Variants in PPARG observed in about 807,000 individuals in gnomAD.
PPARG encodes the protein peroxisome proliferator activated receptor gamma.
Under a neutral mutation model 39.2 loss-of-function variants are expected in PPARG, and 17 were observed. The ratio of observed to expected loss-of-function variants is 0.43; its 90% CI spans 0.30 to 0.65. PPARG has a LOEUF of 0.65. PPARG is among the 30% of genes least tolerant of loss of function. The pLI is 0.13. For missense variants in PPARG, 406 were observed against 585.9 expected, an observed-to-expected ratio of 0.69 and a Z score of 3.17; for synonymous variants, 223 against 215.7, an observed-to-expected ratio of 1.03 and a Z score of -0.30.
At chr3:12,405,311 G>A (rs1261813081) in intron 5 of PPARG, among the ~76,000 whole-genome samples, 2 of 152,102 alleles carry the variant, frequency 1.3e-5, no homozygotes, top group Admixed American at 6.6e-5. Flanking sequence ...GATAACTATG[G>A]CTTCTCTCCG....
intron 7 of PPARG, among the ~76,000 whole-genome samples, chr3:12,421,283 C>T (rs961941742): frequency 6.6e-6 from 1 of 152,230 alleles, no homozygotes; most frequent in African/African-American, 2.4e-5. Context: ...AAGCCAGGAA[C>T]AGCGCTTCCT....
At chr3:12,333,794 G>A (rs2047930963) in intron 2 of PPARG, among the ~76,000 whole-genome samples, 1 of 152,104 alleles carries the variant, frequency 6.6e-6, no homozygotes, top group Non-Finnish European at 1.5e-5. Flanking sequence ...AGTGACTGAG[G>A]TTCTGTTGAG....
intron 2 of PPARG, among the ~76,000 whole-genome samples, chr3:12,349,978 A>C (rs2048434191): frequency 6.6e-6 from 1 of 152,186 alleles, no homozygotes; most frequent in African/African-American, 2.4e-5. Context: ...CCCTTTGAGG[A>C]CATGAGGACA....
intron 2 of PPARG, among the ~76,000 whole-genome samples, chr3:12,349,338 T>G (rs2048415216): frequency 6.6e-6 from 1 of 152,360 alleles, no homozygotes; most frequent in Middle Eastern, 3.4e-3. Context: ...TTATTTTCAT[T>G]CATTTGAATG....
chr3:12,417,888 CTTTTTTTTTTTTCCTTTTT>C (rs2051125644), intron 7 of PPARG, among the ~76,000 whole-genome samples: 2 of 64,064 alleles, frequency 3.1e-5, no homozygotes, highest in Non-Finnish European at 5.8e-5. Context: ...TTTTTTTTTT[CTTTTTTTTTTTTCCTTTTT>C]TTTTTTTTTT....
At chr3:12,374,351 C>T (rs2049329736) in intron 2 of PPARG, among the ~76,000 whole-genome samples, 1 of 152,148 alleles carries the variant, frequency 6.6e-6, no homozygotes, top group Non-Finnish European at 1.5e-5. Context: ...GTAATCCCAG[C>T]ACTTTGGGAG....
intron 2 of PPARG, among the ~76,000 whole-genome samples, chr3:12,361,597 C>T (rs2048849082): frequency 6.6e-6 from 1 of 152,198 alleles, no homozygotes; most frequent in African/African-American, 2.4e-5. Context: ...TTGAAAAGAT[C>T]ATCCTTTGCC....
At chr3:12,339,109 A>T (rs2048098144) in intron 2 of PPARG, among the ~76,000 whole-genome samples, 2 of 152,220 alleles carry the variant, frequency 1.3e-5, no homozygotes, top group Admixed American at 1.3e-4. Context: ...AGCAGTAAAC[A>T]GGCATGAACT....
intron 7 of PPARG, among the ~76,000 whole-genome samples, chr3:12,431,007 G>C (rs2051641694): frequency 6.6e-6 from 1 of 151,856 alleles, no homozygotes. Flanking sequence ...ATTAAAGGTG[G>C]GTAAAACTCA....
At chr3:12,297,237 A>T (rs4684845) in intron 1 of PPARG, among the ~76,000 whole-genome samples, 1 of 152,030 alleles carries the variant, frequency 6.6e-6, no homozygotes, top group African/African-American at 2.4e-5. Flanking sequence ...GAAACTACTC[A>T]CAACTCTGAA....
At chr3:12,332,667 G>A (rs2047894867) in intron 2 of PPARG, among the ~76,000 whole-genome samples, 1 of 152,188 alleles carries the variant, frequency 6.6e-6, no homozygotes, top group South Asian at 2.1e-4. Context: ...ACTGATCACT[G>A]ACTCCATATA....
intron 4 of PPARG, among the ~76,000 whole-genome samples, chr3:12,387,876 T>C (rs894056592): frequency 5.8e-4 from 2 of 3,452 alleles, no homozygotes; most frequent in Admixed American, 9.5e-3. Flanking sequence ...CTTTAATCCA[T>C]CTTGAGTTAA....
intron 2 of PPARG, among the ~76,000 whole-genome samples, chr3:12,314,445 G>A (rs1163225202): frequency 6.6e-6 from 1 of 152,066 alleles, no homozygotes; most frequent in Non-Finnish European, 1.5e-5. Flanking sequence ...ACATGATCAA[G>A]GTCAATATCA....
intron 2 of PPARG, among the ~76,000 whole-genome samples, chr3:12,371,277 G>A (rs893053301): frequency 6.6e-6 from 1 of 151,994 alleles, no homozygotes; most frequent in African/African-American, 2.4e-5. Context: ...TTGGAACCTC[G>A]GGCATCTGAC....
intron 2 of PPARG, among the ~76,000 whole-genome samples, chr3:12,351,100 C>T (rs1350900336): frequency 1.3e-5 from 2 of 152,164 alleles, no homozygotes; most frequent in Admixed American, 6.5e-5. Flanking sequence ...CAGGAATAGA[C>T]ACCGAAAGAA....
intron 2 of PPARG, among the ~76,000 whole-genome samples, chr3:12,335,207 T>C (rs546571333): frequency 5.9e-5 from 9 of 152,236 alleles, no homozygotes; most frequent in Non-Finnish European, 1.3e-4. Flanking sequence ...AAGCATGTGT[T>C]GCCTTAGGTG....
rs2049657995 is a variant in PPARG at position 12,381,482 on chromosome 3, A to G, written c.381A>G (p.Glu127=). Reference sequence around the variant, plus strand: ...TTCACTATGGAGTTCATGCTTGTGAAGGATGCAAGGTAATTAAAAAAAAAG... The same window carrying G: ...TTCACTATGGAGTTCATGCTTGTGAGGGATGCAAGGTAATTAAAAAAAAAG... ...SGFHYGVHAC[E]GCKGFFRRTI... Residue 127 remains glutamate, a synonymous_variant, in exon 4 of 8, where the codon GAA becomes GAG. Transcript: ENST00000651735. 3 of 1,613,466 alleles carry G rather than the reference A, an allele frequency of 1.9e-6. No homozygotes were observed. Among genetic ancestry groups the G allele is most frequent in the Non-Finnish European group, 2.5e-6 (3 of 1,179,632 alleles).
chr3:12,316,401 A>G (rs2047388927), intron 2 of PPARG, among the ~76,000 whole-genome samples: 1 of 152,144 alleles, frequency 6.6e-6, no homozygotes, highest in South Asian at 2.1e-4. Flanking sequence ...TTTCGTAGAG[A>G]CAGAAAGTGG....
intron 2 of PPARG, among the ~76,000 whole-genome samples, chr3:12,344,057 C>T (rs944882782): frequency 4.0e-5 from 6 of 151,580 alleles, no homozygotes; most frequent in South Asian, 2.1e-4. Flanking sequence ...GACAGGGTTT[C>T]GCCATGTTGG....
Sources: allele counts gnomAD v4.1 joint callset (sites outside exome capture counted in the v4.1 genomes callset), GRCh38; gene constraint gnomAD v4.1.1; transcripts MANE v1.5; gene names NCBI Gene and HGNC (gene_info 2026-07-23, HGNC 2026-07-21).